Variants in CAMK1D observed in about 807,000 individuals in gnomAD.
CAMK1D encodes the protein calcium/calmodulin dependent protein kinase ID, also known as calcium/calmodulin-dependent protein kinase type 1D.
A neutral mutation model predicts 47.7 loss-of-function variants in CAMK1D; 9 were observed. The observed-to-expected ratio is 0.19, with a 90% CI of 0.11 to 0.33. The LOEUF is 0.33. Among genes scored for constraint, CAMK1D ranks in the 10% least tolerant of loss-of-function variants. The pLI is 1.00. For synonymous variants in CAMK1D, 184 were observed against 184.9 expected (o/e 0.99, Z 0.04); for missense variants, 291 against 488.7 (o/e 0.60, Z 3.81).
intron 1 of CAMK1D, among the ~76,000 whole-genome samples, chr10:12,456,811 T>C (rs1833261620): frequency 6.9e-6 from 1 of 143,906 alleles, no homozygotes. Flanking sequence ...TTATAGCACC[T>C]AACAGTACTT....
chr10:12,785,924 A>G (rs148664904), intron 5 of CAMK1D, among the ~76,000 whole-genome samples: 28 of 152,352 alleles, frequency 1.8e-4, no homozygotes, highest in African/African-American at 6.7e-4. Context: ...GGAGGCGAGC[A>G]GGAGAGAGAA....
chr10:12,738,308 A>G (rs1835270890), intron 3 of CAMK1D, among the ~76,000 whole-genome samples: 1 of 152,232 alleles, frequency 6.6e-6, no homozygotes, highest in African/African-American at 2.4e-5. Flanking sequence ...GCAAAGAGTC[A>G]CATAGATTAA....
In CAMK1D at chr10:12,626,577, G is replaced by A. The variant is rs568726679; in HGVS notation, c.225-40159G>A. ...TAATCTCTGCCTTTCAGGTTCAAGCGATTCTTCTGCCTCAGCCTCCTAAGC... is the reference window on the plus strand; with the variant it reads ...TAATCTCTGCCTTTCAGGTTCAAGCAATTCTTCTGCCTCAGCCTCCTAAGC... On this transcript the variant is annotated intron_variant, in intron 2 of 10. Coordinates refer to ENST00000619168, the MANE Select transcript of CAMK1D (RefSeq NM_153498.4). Among the ~76,000 whole-genome samples the A allele has an allele frequency of 7.3e-5, 11 of 151,170 alleles. No homozygotes were observed. The South Asian group carries it at 2.1e-3, about 29-fold the overall frequency.
chr10:12,738,150 A>G lies in CAMK1D; in HGVS notation c.300-22798A>G, dbSNP rs1172214552. On this transcript the variant is annotated intron_variant, in intron 3 of 10. Coordinates refer to ENST00000619168, the MANE Select transcript of CAMK1D (RefSeq NM_153498.4). The stretch of plus-strand genomic sequence containing the variant: ...GTAGGTGACAATGTGTGGAAAATAT[A>G]ATTAAAAGATAAATGTCAAACTATG... 3.9e-5 allele frequency among the ~76,000 whole-genome samples: 6 copies of G among 152,346 alleles called. No homozygotes were observed. In the East Asian group the frequency reaches 1.2e-3, roughly 29 times the overall value.
intron 1 of CAMK1D, among the ~76,000 whole-genome samples, chr10:12,437,794 A>G (rs1832678936): frequency 6.6e-6 from 1 of 152,190 alleles, no homozygotes; most frequent in Non-Finnish European, 1.5e-5. Context: ...CACTGTCCTA[A>G]AAATTCTCCC....
rs530870457 is a variant in CAMK1D, at chr10:12,384,071, A to G, written c.92+34161A>G. Among the ~76,000 whole-genome samples the G allele has an allele frequency of 1.4e-4, 22 of 152,352 alleles. No individual in the cohort carries two copies. The South Asian group carries it at 1.4e-3, about 10-fold the overall frequency. On this transcript the variant is annotated intron_variant, in intron 1 of 10. Transcript: ENST00000619168. ...TGTGTATATGCTAGCAAGGAAAAAT[A>G]AAAAAAGAAATTAAGAGAACAATCT...
chr10:12,355,493 T>C (rs1837483279), intron 1 of CAMK1D, among the ~76,000 whole-genome samples: 1 of 144,962 alleles, frequency 6.9e-6, no homozygotes, highest in Non-Finnish European at 1.5e-5. Flanking sequence ...CGTGCGTGTG[T>C]ATGTGTGTGT....
At chr10:12,365,020 G>C (rs1837789564) in intron 1 of CAMK1D, among the ~76,000 whole-genome samples, 1 of 151,156 alleles carries the variant, frequency 6.6e-6, no homozygotes, top group Non-Finnish European at 1.5e-5. Context: ...TCAGTGGTGC[G>C]ATCTTGACTC....
At chr10:12,784,434 G>A (rs532942300) in intron 5 of CAMK1D, among the ~76,000 whole-genome samples, 254 of 152,250 alleles carry the variant, frequency 1.7e-3, no homozygotes, top group African/African-American at 5.9e-3. Context: ...CTGACCTCAG[G>A]TGATTCATCC....
At chr10:12,791,461 C>T (rs1317555291) in intron 6 of CAMK1D, among the ~76,000 whole-genome samples, 1 of 152,138 alleles carries the variant, frequency 6.6e-6, no homozygotes, top group Non-Finnish European at 1.5e-5. Flanking sequence ...AAACTCTACC[C>T]CTTACATAAA....
chr10:12,734,467 CATATGTGTATATAT>C, intron 3 of CAMK1D, among the ~76,000 whole-genome samples: 1 of 3,150 alleles, frequency 3.2e-4, no homozygotes, highest in African/African-American at 3.8e-4. Flanking sequence ...TACACATACA[CATATGTGTATATAT>C]ACACATATGT....
intron 5 of CAMK1D, among the ~76,000 whole-genome samples, chr10:12,773,477 T>A (rs1239641366): frequency 6.6e-6 from 1 of 152,254 alleles, no homozygotes; most frequent in Non-Finnish European, 1.5e-5. Flanking sequence ...GTGGAAATAG[T>A]TGTCATAGGT....
intron 3 of CAMK1D, among the ~76,000 whole-genome samples, chr10:12,718,542 T>C (rs1051610345): frequency 1.3e-5 from 2 of 152,150 alleles, no homozygotes; most frequent in Non-Finnish European, 2.9e-5. Context: ...CTGGGGGAAA[T>C]AAATGGACTT....
chr10:12,800,552 T>G (rs1838380076), intron 6 of CAMK1D, among the ~76,000 whole-genome samples: 1 of 152,220 alleles, frequency 6.6e-6, no homozygotes, highest in Non-Finnish European at 1.5e-5. Context: ...CAGAGTTGAT[T>G]GATTTTGCTC....
At chr10:12,715,196 C>T (rs1834082045) in intron 3 of CAMK1D, among the ~76,000 whole-genome samples, 1 of 152,168 alleles carries the variant, frequency 6.6e-6, no homozygotes, top group Non-Finnish European at 1.5e-5. Flanking sequence ...CGTCACAGTT[C>T]TTGATGATAT....
intron 2 of CAMK1D, among the ~76,000 whole-genome samples, chr10:12,666,314 G>T (rs1305264378): frequency 6.6e-6 from 1 of 152,068 alleles, no homozygotes; most frequent in Admixed American, 6.5e-5. Flanking sequence ...CCTGCTCCCT[G>T]ACATATGCCT....
rs1833389524 is a variant in CAMK1D, at chr10:12,829,878, G to T, written c.*991G>T. The T allele has an allele frequency of 6.6e-6, 1 of 152,174 alleles. No homozygotes were observed. The highest frequency in any genetic ancestry group is 2.4e-5 in the African/African-American group (1 of 41,380). 9.4% of individuals were successfully genotyped at this position (152,174 alleles called of 1,614,324 possible). Reference sequence around the variant, plus strand: ...CTGCGAGGCTCTCTTCTCTGCGGGGGACTTTGGTAGAGAATCTGCACAGAG... The same window carrying T: ...CTGCGAGGCTCTCTTCTCTGCGGGGTACTTTGGTAGAGAATCTGCACAGAG... On this transcript the variant is annotated 3_prime_UTR_variant, in exon 11 of 11. Coordinates refer to ENST00000619168, the MANE Select transcript of CAMK1D (RefSeq NM_153498.4).
At chr10:12,373,526 G>A (rs1838068970) in intron 1 of CAMK1D, among the ~76,000 whole-genome samples, 1 of 151,628 alleles carries the variant, frequency 6.6e-6, no homozygotes, top group Admixed American at 6.6e-5. Context: ...CAGCTACTCA[G>A]GAGGCTGAGG....
chr10:12,353,908 T>G (rs943345166), intron 1 of CAMK1D, among the ~76,000 whole-genome samples: 1 of 152,192 alleles, frequency 6.6e-6, no homozygotes, highest in African/African-American at 2.4e-5. Flanking sequence ...CGTAGCTATC[T>G]TTCAGTGACT....
Sources: gnomAD v4.1 joint callset for allele counts (sites outside exome capture counted in the v4.1 genomes callset) on GRCh38, gnomAD v4.1.1 for gene constraint, MANE v1.5 for transcripts, NCBI Gene and HGNC (gene_info 2026-07-23, HGNC 2026-07-21) for gene names.